The following ZNF33A variants were observed in gnomAD, a reference collection of about 807,000 sequenced individuals.
The protein encoded by ZNF33A is brain my041 protein.
Under a neutral mutation model 15.9 loss-of-function variants are expected in ZNF33A, and 9 were observed. The ratio of observed to expected loss-of-function variants is 0.57; its 90% CI spans 0.34 to 0.99. The LOEUF is 0.99. Ranked by LOEUF, ZNF33A falls within the 50% of genes least tolerant of loss-of-function variation. The pLI, the probability that ZNF33A is intolerant of heterozygous loss-of-function variation, is 0.02. For synonymous variants in ZNF33A, 294 were observed against 324.2 expected, an observed-to-expected ratio of 0.91 and a Z score of 1.00; for missense variants, 843 against 941.6, an observed-to-expected ratio of 0.90 and a Z score of 1.37.
At chr10:38,038,149 T>G (rs1254625612) in intron 4 of ZNF33A, among the ~76,000 whole-genome samples, 1 of 152,220 alleles carries the variant, frequency 6.6e-6, no homozygotes, top group Non-Finnish European at 1.5e-5. Context: ...TTTACTTATT[T>G]GAGACAGAGT....
rs368906244 is a variant in ZNF33A at position 38,055,766 on chromosome 10, A to G, written c.1642A>G (p.Thr548Ala). 5.7e-6 allele frequency: 9 copies of G among 1,581,436 alleles called. No homozygotes were observed. Among genetic ancestry groups the G allele is most frequent in the Non-Finnish European group, 7.8e-6 (9 of 1,159,122 alleles). The change falls in exon 5 of 5, where the codon ACA becomes GCA. Residue 548 changes from threonine (T) to alanine (A), a missense_variant. Physicochemically the swap from Thr to Ala is moderately conservative, Grantham distance 58 (BLOSUM62 0). Coordinates refer to ENST00000432900, the MANE Select transcript of ZNF33A (RefSeq NM_006954.2). ...CCTCACAGTACATCAGAGAACACAC[A>G]CAGGGCAGAAACCCTTTGCATGTCC... ...SDLTVHQRTH[T>A]GQKPFACPEC...
chr10:38,035,740 A>G (rs2065421942), intron 4 of ZNF33A, among the ~76,000 whole-genome samples: 1 of 152,226 alleles, frequency 6.6e-6, no homozygotes, highest in Non-Finnish European at 1.5e-5. Flanking sequence ...TGAAATACAC[A>G]AACTACCAAG....
intron 4 of ZNF33A, among the ~76,000 whole-genome samples, chr10:38,051,202 A>G (rs764603698): frequency 3.8e-4 from 58 of 152,232 alleles, no homozygotes; most frequent in Admixed American, 1.8e-3. Context: ...TTAAAATGCC[A>G]TTGTATAAAT....
At chr10:38,065,318 G>A (rs1315179579), downstream of ZNF33A, among the ~76,000 whole-genome samples, 3 of 152,042 alleles carry the variant, frequency 2.0e-5, no homozygotes, top group African/African-American at 2.4e-5. Context: ...ATGATCACCC[G>A]CCTTGGCTCC....
At chr10:38,027,517 C>A (rs2065037660) in intron 4 of ZNF33A, among the ~76,000 whole-genome samples, 1 of 151,788 alleles carries the variant, frequency 6.6e-6, no homozygotes, top group Admixed American at 6.6e-5. Context: ...CCCACTATGC[C>A]CAGCTATCTT....
chr10:38,066,026 A>T (rs1475387607), downstream of ZNF33A, among the ~76,000 whole-genome samples: 1 of 151,886 alleles, frequency 6.6e-6, no homozygotes, highest in African/African-American at 2.4e-5. Flanking sequence ...TTGATGTAGC[A>T]CTCTGACACC....
intron 1 of ZNF33A, among the ~76,000 whole-genome samples, chr10:38,011,297 A>G (rs897205067): frequency 1.1e-4 from 16 of 152,142 alleles, no homozygotes; most frequent in African/African-American, 3.9e-4. Flanking sequence ...AGAATTACCT[A>G]ATTTTGGCCT....
intron 1 of ZNF33A, among the ~76,000 whole-genome samples, chr10:38,011,597 A>T (rs1362663133): frequency 6.6e-6 from 1 of 152,122 alleles, no homozygotes; most frequent in Non-Finnish European, 1.5e-5. Flanking sequence ...AAAACAAAGA[A>T]TTACCTAATT....
chr10:38,010,612 C>G (rs745760377), upstream of ZNF33A: 1 of 1,196,112 alleles, frequency 8.4e-7, no homozygotes, highest in South Asian at 1.2e-5. Context: ...CCAGGTAGGG[C>G]GCCAACAGCA....
At chr10:38,061,247 G>A (rs1323246405), downstream of ZNF33A, among the ~76,000 whole-genome samples, 1 of 152,124 alleles carries the variant, frequency 6.6e-6, no homozygotes, top group Non-Finnish European at 1.5e-5. Flanking sequence ...TGCCTAACAA[G>A]GCATTCAGGA....
downstream of ZNF33A, among the ~76,000 whole-genome samples, chr10:38,063,691 T>A (rs188169819): frequency 3.1e-4 from 47 of 152,340 alleles, no homozygotes; most frequent in African/African-American, 1.1e-3. Flanking sequence ...AGAGCTAAGA[T>A]GCAAACTCTT....
chr10:38,026,256 T>G (rs192055144), intron 4 of ZNF33A, among the ~76,000 whole-genome samples: 107 of 98,498 alleles, frequency 1.1e-3, no homozygotes, highest in African/African-American at 4.1e-3. Context: ...AACCTAGGAG[T>G]AGAATTCTTT....
intron 2 of ZNF33A, 138 bp from the exon 3 acceptor site, chr10:38,016,733 G>T: frequency 6.3e-6 from 6 of 954,370 alleles, no homozygotes; most frequent in Non-Finnish European, 9.2e-6. Flanking sequence ...ATATCTTAAT[G>T]CATTAATGGC....
At chr10:38,065,230 C>T (rs2066699105), downstream of ZNF33A, 1 of 152,178 alleles carries the variant, frequency 6.6e-6, no homozygotes, top group Non-Finnish European at 1.5e-5. Context: ...ACCATCGTGC[C>T]CTGGCTAATT....
Position 38,057,893 on chromosome 10 carries a change from G to C in ZNF33A, c.*1333G>C. ...GTCATTTCAAGGCTCATTGTCCCCA[G>C]ACAGGGATCTGGGCCCTCAGACTTT... is the stretch of plus-strand genomic sequence containing the variant. On this transcript the variant is annotated 3_prime_UTR_variant, in exon 5 of 5. Transcript: ENST00000432900. 2.0e-6 allele frequency: 2 copies of C among 985,448 alleles called. No individual in the cohort carries two copies. Among genetic ancestry groups the C allele is most frequent in the Non-Finnish European group, 2.4e-6 (2 of 829,952 alleles). 61.0% of individuals were successfully genotyped at this position (985,448 alleles called of 1,614,324 possible).
chr10:38,015,915 TG>T (rs1291508298), intron 2 of ZNF33A: 1 of 1,055,426 alleles, frequency 9.5e-7, no homozygotes. Context: ...AACCTGGTCC[TG>T]TAATTTCAGT....
intron 4 of ZNF33A, among the ~76,000 whole-genome samples, chr10:38,034,233 A>G (rs1213748758): frequency 6.6e-6 from 1 of 152,178 alleles, no homozygotes; most frequent in Non-Finnish European, 1.5e-5. Flanking sequence ...CCATATTTTT[A>G]TTTAGCACCT....
At chr10:38,010,595 G>A (rs370957040), upstream of ZNF33A, 73 of 1,030,920 alleles carry the variant, frequency 7.1e-5, no homozygotes, top group African/African-American at 9.1e-4. Flanking sequence ...CACGGGAAAG[G>A]TAGTTTCCAG....
Position 38,056,426 on chromosome 10 carries a change from C to G in ZNF33A, c.2302C>G (p.Gln768Glu). Residue 768 changes from glutamine to glutamate, a missense_variant, in exon 5 of 5, where the codon CAG becomes GAG. Physicochemically the swap from Gln to Glu is conservative, Grantham distance 29. Coordinates refer to ENST00000432900, the MANE Select transcript of ZNF33A (RefSeq NM_006954.2). ...TCAAAAGTCAAATCTCATTGTACAT[C>G]AGAGAAGACATATAGGAGAAAACCT... is the stretch of plus-strand genomic sequence containing the variant. Reference protein sequence around the residue: ...FSQKSNLIVHQRRHIGENLMN... With the variant: ...FSQKSNLIVHERRHIGENLMN... The G allele has an allele frequency of 6.2e-7, 1 of 1,614,062 alleles. No homozygotes were observed. Among genetic ancestry groups the G allele is most frequent in the Non-Finnish European group, 8.5e-7 (1 of 1,179,952 alleles).
Sources: allele counts gnomAD v4.1 joint callset (sites outside exome capture counted in the v4.1 genomes callset), GRCh38; gene constraint gnomAD v4.1.1; transcripts MANE v1.5; gene names NCBI Gene and HGNC (gene_info 2026-07-23, HGNC 2026-07-21).